Variants in NKAIN2 observed in about 807,000 individuals in gnomAD.
NKAIN2 encodes the protein sodium/potassium transporting ATPase interacting 2.
A neutral mutation model predicts 32.6 loss-of-function variants in NKAIN2; 14 were observed. That is an observed-to-expected ratio of 0.43 (90% CI 0.28 to 0.67). The LOEUF is 0.67. NKAIN2 is among the 30% of genes least tolerant of loss of function. NKAIN2 has a pLI of 0.17. For missense variants in NKAIN2, 198 were observed against 258.3 expected (o/e 0.77, Z 1.60); for synonymous variants, 80 against 87.2 (o/e 0.92, Z 0.46).
chr6:124,596,210 T>A (rs1428898569), intron 3 of NKAIN2, among the ~76,000 whole-genome samples: 1 of 152,110 alleles, frequency 6.6e-6, no homozygotes, highest in Non-Finnish European at 1.5e-5. Flanking sequence ...TGGGGAACAC[T>A]GGGAAGGTAC....
chr6:123,890,966 A>T (rs1367976293), intron 1 of NKAIN2, among the ~76,000 whole-genome samples: 1 of 152,180 alleles, frequency 6.6e-6, no homozygotes, highest in Non-Finnish European at 1.5e-5. Context: ...TGATGGATGG[A>T]CAAACAAAAT....
At chr6:124,397,099 A>T (rs1219076364) in intron 3 of NKAIN2, among the ~76,000 whole-genome samples, 1 of 152,050 alleles carries the variant, frequency 6.6e-6, no homozygotes, top group African/African-American at 2.4e-5. Context: ...ATTTTTATTC[A>T]TATCTCTGAT....
At chr6:124,644,490 CG>C (rs1019738474) in intron 3 of NKAIN2, among the ~76,000 whole-genome samples, 1 of 151,794 alleles carries the variant, frequency 6.6e-6, no homozygotes, top group African/African-American at 2.4e-5. Flanking sequence ...CTGAAACCTC[CG>C]CCTCCCGGGT....
At chr6:124,177,427 T>G (rs1254325255) in intron 1 of NKAIN2, among the ~76,000 whole-genome samples, 6 of 152,180 alleles carry the variant, frequency 3.9e-5, no homozygotes, top group Non-Finnish European at 7.3e-5. Context: ...TGACTACCAC[T>G]GGAATCCTTT....
intron 1 of NKAIN2, among the ~76,000 whole-genome samples, chr6:124,275,826 TA>T (rs930842004): frequency 1.8e-5 from 2 of 109,162 alleles, no homozygotes; most frequent in African/African-American, 1.5e-4. Flanking sequence ...AAATATAAAA[TA>T]ATTAATAATA....
chr6:124,334,784 G>A (rs1293460247), intron 2 of NKAIN2, among the ~76,000 whole-genome samples: 1 of 152,140 alleles, frequency 6.6e-6, no homozygotes, highest in Admixed American at 6.5e-5. Context: ...AAGGCAGTCT[G>A]GTCCCTAGGC....
At chr6:124,304,919 A>C (rs1796448352) in intron 2 of NKAIN2, among the ~76,000 whole-genome samples, 1 of 152,192 alleles carries the variant, frequency 6.6e-6, no homozygotes, top group Non-Finnish European at 1.5e-5. Context: ...CTCCAAAAAA[A>C]AAAGTCTGTA....
chr6:124,546,788 G>A (rs933576875), intron 3 of NKAIN2, among the ~76,000 whole-genome samples: 9 of 152,238 alleles, frequency 5.9e-5, no homozygotes, highest in African/African-American at 2.2e-4. Flanking sequence ...GAGAAGTAAT[G>A]CTTTTGGTTG....
intron 1 of NKAIN2, among the ~76,000 whole-genome samples, chr6:124,098,909 T>G (rs1192336360): frequency 1.3e-5 from 2 of 151,792 alleles, no homozygotes; most frequent in African/African-American, 2.4e-5. Flanking sequence ...AATAACAAAG[T>G]GTGTTTTCCC....
chr6:124,792,170 G>T (rs1372811121), intron 5 of NKAIN2, among the ~76,000 whole-genome samples: 2 of 152,072 alleles, frequency 1.3e-5, no homozygotes, highest in East Asian at 3.9e-4. Flanking sequence ...TTACTCTGAG[G>T]AAAAATCAGA....
At position 124,520,889 on chromosome 6, in the gene NKAIN2, G is replaced by T. The variant is rs182548156; in HGVS notation, c.274-137297G>T. On this transcript the variant is annotated intron_variant, in intron 3 of 6. Transcript: ENST00000368417. ...CAAACTCTCAGGAGAAGATAAAAGG[G>T]TTTTTTAAATCCAGATCTTAAATAT... 2.3e-3 allele frequency among the ~76,000 whole-genome samples: 356 copies of T among 152,230 alleles called. 2 individuals carry two copies. The highest frequency in any genetic ancestry group is 8.4e-3 in the African/African-American group (349 of 41,550).
intron 1 of NKAIN2, among the ~76,000 whole-genome samples, chr6:124,192,741 G>GTTTTTTTTTTTT (rs1205303294): frequency 1.3e-5 from 1 of 77,186 alleles, no homozygotes; most frequent in Non-Finnish European, 2.5e-5. Context: ...AGTTCCATCC[G>GTTTTTTTTTTTT]TTTTTTTTTT....
At chr6:124,468,588 C>T (rs186908406) in intron 3 of NKAIN2, among the ~76,000 whole-genome samples, 1 of 152,184 alleles carries the variant, frequency 6.6e-6, no homozygotes, top group African/African-American at 2.4e-5. Context: ...TGTGTATATG[C>T]TCATAGGATG....
chr6:124,002,818 A>G (rs1440475500), intron 1 of NKAIN2, among the ~76,000 whole-genome samples: 1 of 152,178 alleles, frequency 6.6e-6, no homozygotes, highest in African/African-American at 2.4e-5. Flanking sequence ...ACAAACGCTG[A>G]GCATGTGCTT....
rs180903293 is a variant in NKAIN2, at chr6:123,975,176, A to T, written c.54+170922A>T. ...TTCTTTCTCTAAGGTTAAACAGGTA[A>T]AATAAAATAACCCACTACTAAGAGA... On this transcript the variant is annotated intron_variant, in intron 1 of 6. Transcript: ENST00000368417. Among the ~76,000 whole-genome samples the T allele has an allele frequency of 1.3e-3, 197 of 152,300 alleles. 1 individual carries two copies. Among genetic ancestry groups the T allele is most frequent in the African/African-American group, 4.6e-3 (192 of 41,582 alleles).
chr6:124,762,964 T>C (rs1388576172), intron 4 of NKAIN2, among the ~76,000 whole-genome samples: 1 of 152,246 alleles, frequency 6.6e-6, no homozygotes, highest in Non-Finnish European at 1.5e-5. Flanking sequence ...CAAAGTGCTC[T>C]TGATAGTTCT....
At chr6:124,146,682 TG>T (rs1787425471) in intron 1 of NKAIN2, among the ~76,000 whole-genome samples, 1 of 152,118 alleles carries the variant, frequency 6.6e-6, no homozygotes, top group African/African-American at 2.4e-5. Context: ...TCATTAGAAA[TG>T]AATAAACACA....
At chr6:123,968,932 C>G (rs1248177813) in intron 1 of NKAIN2, among the ~76,000 whole-genome samples, 2 of 152,096 alleles carry the variant, frequency 1.3e-5, no homozygotes, top group African/African-American at 2.4e-5. Context: ...GGCCTGGACC[C>G]CCTCCTCTGG....
chr6:124,142,273 A>G (rs1195969238), intron 1 of NKAIN2, among the ~76,000 whole-genome samples: 1 of 152,194 alleles, frequency 6.6e-6, no homozygotes, highest in African/African-American at 2.4e-5. Flanking sequence ...TTTGATGAGA[A>G]AAACTCTACA....
Sources: allele counts gnomAD v4.1 joint callset (sites outside exome capture counted in the v4.1 genomes callset), GRCh38; gene constraint gnomAD v4.1.1; transcripts MANE v1.5; gene names NCBI Gene and HGNC (gene_info 2026-07-23, HGNC 2026-07-21).